The following GPC3 variants were observed in gnomAD, a reference collection of about 807,000 sequenced individuals.
GPC3 encodes glypican-3.
Under a neutral mutation model 34.4 loss-of-function variants are expected in GPC3, and 3 were observed. The ratio of observed to expected loss-of-function variants is 0.09; its 90% CI spans 0.04 to 0.23. The LOEUF (loss-of-function observed/expected upper bound fraction) is 0.23, where lower values mean the gene tolerates loss of function less well. Ranked by LOEUF, GPC3 falls within the 10% of genes least tolerant of loss-of-function variation. The probability of loss-of-function intolerance (pLI) is 1.00; values close to 1 mark genes in which losing one functional copy is unlikely to be tolerated. For missense variants in GPC3, 351 were observed against 445.6 expected (o/e 0.79, Z 1.91); for synonymous variants, 177 against 174.0 (o/e 1.02, Z -0.13).
intron 2 of GPC3, among the ~76,000 whole-genome samples, chrX:133,793,192 C>T (rs1360849465): frequency 9.0e-6 from 1 of 111,444 alleles, no homozygotes; most frequent in African/African-American, 3.3e-5. Context: ...AATTAAAACG[C>T]TATACACATT....
intron 2 of GPC3, among the ~76,000 whole-genome samples, chrX:133,797,709 A>T (rs764970517): frequency 2.2e-4 from 24 of 110,654 alleles, no homozygotes; most frequent in Non-Finnish European, 4.0e-4. Context: ...ATGTGCCTGT[A>T]GTCCCAGCTG....
At chrX:133,677,575 A>G (rs1023257386) in intron 5 of GPC3, among the ~76,000 whole-genome samples, 2 of 112,127 alleles carry the variant, frequency 1.8e-5, no homozygotes, top group Admixed American at 1.9e-4. Context: ...CCTAGGGCAA[A>G]GGTTTTTTGT....
chrX:133,817,895 T>TC (rs774278027), intron 2 of GPC3, among the ~76,000 whole-genome samples: 1 of 110,700 alleles, frequency 9.0e-6, no homozygotes, highest in African/African-American at 3.3e-5. Flanking sequence ...ACACTTTTTT[T>TC]CCCCATTGGA....
chrX:133,738,062 C>G (rs905910781), intron 3 of GPC3, among the ~76,000 whole-genome samples: 1 of 111,912 alleles, frequency 8.9e-6, no homozygotes, highest in African/African-American at 3.3e-5. Flanking sequence ...CTCCCAGGCT[C>G]AAGCAATCCT....
At chrX:133,569,593 C>A (rs1017916488) in intron 7 of GPC3, among the ~76,000 whole-genome samples, 7 of 112,311 alleles carry the variant, frequency 6.2e-5, no homozygotes, top group Admixed American at 2.8e-4. Context: ...TCCATAAATT[C>A]TTCTCTAACC....
chrX:133,773,640 T>C (rs983592135), intron 2 of GPC3, among the ~76,000 whole-genome samples: 12 of 111,575 alleles, frequency 1.1e-4, no homozygotes, highest in African/African-American at 3.6e-4. Flanking sequence ...AAAGTGAACA[T>C]AAAAGAGCAG....
rs773908499 is a variant in GPC3 at position 133,844,929 on chromosome X, G to A, written c.338-90753C>T. 9.9e-5 allele frequency among the ~76,000 whole-genome samples: 11 copies of A among 111,635 alleles called. 1 individual carries two copies. The highest frequency in any genetic ancestry group is 2.1e-4 in the Non-Finnish European group (11 of 53,146). On this transcript the variant is annotated intron_variant, in intron 2 of 7. Coordinates refer to ENST00000370818, the MANE Select transcript of GPC3 (RefSeq NM_004484.4). Reference sequence around the variant, plus strand: ...TAACTCAGTGGTCCTCAGCTGGTGGGAGCTATAGAAAAAATACCTAATCCA... The same window carrying A: ...TAACTCAGTGGTCCTCAGCTGGTGGAAGCTATAGAAAAAATACCTAATCCA...
intron 1 of GPC3, among the ~76,000 whole-genome samples, chrX:133,958,544 CAAA>C (rs761514189): frequency 7.4e-5 from 3 of 40,544 alleles, no homozygotes; most frequent in Non-Finnish European, 8.8e-5. Flanking sequence ...GACCCAGTCT[CAAA>C]AAAAAAAAAA....
chrX:133,598,300 G>T (rs1414448099), intron 6 of GPC3, among the ~76,000 whole-genome samples: 3 of 108,719 alleles, frequency 2.8e-5, no homozygotes, highest in African/African-American at 1.0e-4. Flanking sequence ...CTACAGGTGT[G>T]TGACACCATC....
At chrX:133,979,312 T>C (rs1481886777) in intron 1 of GPC3, among the ~76,000 whole-genome samples, 3 of 112,334 alleles carry the variant, frequency 2.7e-5, no homozygotes, top group African/African-American at 9.7e-5. Context: ...AACATTGACT[T>C]CCTTTTATTC....
At chrX:133,936,098 T>C (rs947883173) in intron 2 of GPC3, among the ~76,000 whole-genome samples, 5 of 108,012 alleles carry the variant, frequency 4.6e-5, no homozygotes, top group Non-Finnish European at 7.6e-5. Context: ...ATTATTATCA[T>C]TATTTTGATA....
intron 7 of GPC3, among the ~76,000 whole-genome samples, chrX:133,553,849 A>G (rs1404037185): frequency 1.8e-5 from 2 of 112,063 alleles, no homozygotes; most frequent in African/African-American, 6.5e-5. Context: ...AAATTTACTG[A>G]GGTGTGCAAC....
intron 4 of GPC3, among the ~76,000 whole-genome samples, chrX:133,699,189 C>A (rs1035002449): frequency 2.7e-5 from 3 of 111,880 alleles, no homozygotes; most frequent in Admixed American, 9.5e-5. Context: ...TGCACTCCCC[C>A]CTCAAGGTCA....
chrX:133,816,897 C>T, intron 2 of GPC3, among the ~76,000 whole-genome samples: 1 of 112,065 alleles, frequency 8.9e-6, no homozygotes, highest in South Asian at 3.8e-4. Flanking sequence ...AAATTTCATG[C>T]ATCTACATGC....
chrX:133,899,478 G>C (rs1482204066), intron 2 of GPC3, among the ~76,000 whole-genome samples: 1 of 111,724 alleles, frequency 9.0e-6, no homozygotes, highest in Admixed American at 9.5e-5. Context: ...ACCAATTCCA[G>C]TACATATTTC....
At chrX:133,909,633 T>A (rs1371484740) in intron 2 of GPC3, among the ~76,000 whole-genome samples, 1 of 111,803 alleles carries the variant, frequency 8.9e-6, no homozygotes, top group Admixed American at 9.6e-5. Flanking sequence ...ATATGTATAA[T>A]CAGGAAACAG....
At chrX:133,907,058 A>T (rs931834233) in intron 2 of GPC3, among the ~76,000 whole-genome samples, 1 of 108,249 alleles carries the variant, frequency 9.2e-6, no homozygotes, top group South Asian at 4.1e-4. Flanking sequence ...CCGAGATCGC[A>T]CCACTGCACT....
intron 5 of GPC3, among the ~76,000 whole-genome samples, chrX:133,664,385 A>T (rs769886939): frequency 8.9e-6 from 1 of 112,360 alleles, no homozygotes; most frequent in African/African-American, 3.2e-5. Flanking sequence ...AGCATTTCTA[A>T]TTCTAATTAA....
intron 6 of GPC3, among the ~76,000 whole-genome samples, chrX:133,650,482 C>CAT (rs2070591628): frequency 9.0e-6 from 1 of 110,655 alleles, no homozygotes; most frequent in South Asian, 3.9e-4. Context: ...CACACACACA[C>CAT]ACACACATAT....
Sources: gnomAD v4.1 joint callset for allele counts (sites outside exome capture counted in the v4.1 genomes callset) on GRCh38, gnomAD v4.1.1 for gene constraint, MANE v1.5 for transcripts, NCBI Gene and HGNC (gene_info 2026-07-23, HGNC 2026-07-21) for gene names.